The following BTBD8 variants were observed in gnomAD, a reference collection of about 807,000 sequenced individuals.
BTBD8 encodes BTB/POZ domain-containing protein 8.
BTBD8 carries 110 observed loss-of-function variants against 162.9 expected under a neutral mutation model. That is an observed-to-expected ratio of 0.68 (90% CI 0.58 to 0.79). The LOEUF (loss-of-function observed/expected upper bound fraction) is 0.79, where lower values mean the gene tolerates loss of function less well. Among genes scored for constraint, BTBD8 ranks in the 30% least tolerant of loss-of-function variants. BTBD8 has a pLI of 0.00. For missense variants in BTBD8, 1,905 were observed against 2,085.4 expected, an observed-to-expected ratio of 0.91 and a Z score of 1.68; for synonymous variants, 667 against 716.1, an observed-to-expected ratio of 0.93 and a Z score of 1.10.
chr1:92,157,783 A>G (rs1298544071), intron 9 of BTBD8, among the ~76,000 whole-genome samples: 1 of 152,136 alleles, frequency 6.6e-6, no homozygotes, highest in Non-Finnish European at 1.5e-5. Context: ...CTGGGATTAC[A>G]GGCACGAGCC....
intron 2 of BTBD8, among the ~76,000 whole-genome samples, chr1:92,099,102 T>G (rs887513275): frequency 6.6e-6 from 1 of 152,220 alleles, no homozygotes; most frequent in Non-Finnish European, 1.5e-5. Context: ...AACTTCATTC[T>G]TTTGCATTTG....
chr1:92,124,847 T>A lies in BTBD8; in HGVS notation c.663-4840T>A, dbSNP rs191255831. On this transcript the variant is annotated intron_variant, in intron 4 of 17. Transcript: ENST00000636805. ...TTTTTTCAAACCTAAGATATATCCT[T>A]TCTTGAACATAATTATGGTGAGTTT... Among the ~76,000 whole-genome samples, 163 of 152,330 alleles carry A rather than the reference T, an allele frequency of 1.1e-3. 1 individual carries two copies. The highest frequency in any genetic ancestry group is 3.4e-3 in the African/African-American group (141 of 41,588).
chr1:92,179,452 A>T (rs1650822323), intron 16 of BTBD8, among the ~76,000 whole-genome samples: 1 of 152,204 alleles, frequency 6.6e-6, no homozygotes, highest in Non-Finnish European at 1.5e-5. Flanking sequence ...GCATTAACAT[A>T]TGTAAAAGCA....
At chr1:92,175,102 G>A (rs1650669042) in intron 13 of BTBD8, among the ~76,000 whole-genome samples, 1 of 151,958 alleles carries the variant, frequency 6.6e-6, no homozygotes, top group South Asian at 2.1e-4. Flanking sequence ...TACAAAAGAT[G>A]AAGAGAGCAC....
In BTBD8 at chr1:92,153,985, G is replaced by A. The variant is rs369443738; in HGVS notation, c.1122+6199G>A. Among the ~76,000 whole-genome samples the A allele has an allele frequency of 5.9e-5, 9 of 152,250 alleles. No homozygotes were observed. In the East Asian group the frequency reaches 9.7e-4, roughly 16 times the overall value. On this transcript the variant is annotated intron_variant, in intron 9 of 17. Transcript: ENST00000636805. The stretch of plus-strand genomic sequence containing the variant: ...TCATGGGGGCAGATCCCTTATGAAT[G>A]GTTTGGTGCCATCCCCATGGTGATG...
At position 92,163,158 on chromosome 1, in the gene BTBD8, TC is replaced by T. The variant is rs1476054882; in HGVS notation, c.1123-3798del. Among the ~76,000 whole-genome samples the T allele has an allele frequency of 2.6e-5, 4 of 151,426 alleles. No individual in the cohort carries two copies. In the East Asian group the frequency reaches 5.8e-4, roughly 22 times the overall value. ...TCACGAGGTCAGGAGATCGAGACCA[TC>T]CTGGCTAACACGGTGAAACCCCGTC... is the stretch of plus-strand genomic sequence containing the variant. On this transcript the variant is annotated intron_variant, in intron 9 of 17. Transcript: ENST00000636805.
intron 2 of BTBD8, among the ~76,000 whole-genome samples, chr1:92,101,469 G>A (rs1648588819): frequency 6.6e-6 from 1 of 152,104 alleles, no homozygotes; most frequent in South Asian, 2.1e-4. Flanking sequence ...ATTCATGACA[G>A]CTCCCGCAGG....
At chr1:92,137,270 A>G (rs1649656869) in intron 5 of BTBD8, among the ~76,000 whole-genome samples, 1 of 152,184 alleles carries the variant, frequency 6.6e-6, no homozygotes, top group African/African-American at 2.4e-5. Context: ...AGGATACTAT[A>G]TCGTATATTC....
Position 92,177,183 on chromosome 1 carries a change from A to ACAG in BTBD8, c.2005_2007dup (p.Ala669dup), listed in dbSNP as rs759710231. ...TAGACAAGTTGTAGAAAGATCAGCA[A>ACAG]CAGCAGCAGCAGCAGCAACTGGACA... On this transcript the variant is annotated inframe_insertion, in exon 14 of 18. Coordinates refer to ENST00000636805, the MANE Select transcript of BTBD8 (RefSeq NM_001376131.1). 36 of 1,551,660 alleles carry ACAG rather than the reference A, an allele frequency of 2.3e-5. No homozygotes were observed. The highest frequency in any genetic ancestry group is 2.9e-5 in the Non-Finnish European group (33 of 1,146,946).
rs1650732336 is a variant in BTBD8, at chr1:92,176,970, A to G, written c.1777A>G (p.Thr593Ala). Residue 593 changes from threonine to alanine, a missense_variant, in exon 14 of 18, where the codon ACC (threonine) becomes GCC (alanine). Thr to Ala is a moderately conservative substitution (Grantham distance 58). This residue lies in a region of BTBD8 where 1,374 missense variants were observed against 1,442.7 expected (regional missense o/e 0.95). Transcript: ENST00000636805. ...AGGAGCATCTGGACATTCGTCAAGT[A>G]CCAATAGAAATAGTATAAATAAAAC... ...GLGASGHSSS[T>A]NRNSINKTLK... 1 of 1,547,480 alleles carries G rather than the reference A, an allele frequency of 6.5e-7. No individual in the cohort carries two copies.
chr1:92,173,779 A>T (rs1218821663), intron 13 of BTBD8, among the ~76,000 whole-genome samples: 1 of 152,212 alleles, frequency 6.6e-6, no homozygotes, highest in East Asian at 1.9e-4. Context: ...ACCTAGCAGG[A>T]TTATTGTGAA....
rs549563187 is a variant in BTBD8 at position 92,080,623 on chromosome 1, G to T, written c.52G>T (p.Ala18Ser). The change falls in exon 1 of 18, where the codon GCT becomes TCT. Residue 18 changes from alanine (A) to serine (S), a missense_variant. By Grantham distance (99) the Ala-to-Ser change is moderately conservative. This residue lies in a region of BTBD8 where 1,374 missense variants were observed against 1,442.7 expected (regional missense o/e 0.95). Coordinates refer to ENST00000636805, the MANE Select transcript of BTBD8 (RefSeq NM_001376131.1). ...SAAPMVLLGS[A>S]GVCSKGLQRK... ...GGCCCCCATGGTACTTCTGGGGTCCGCTGGAGTTTGCAGTAAGGGGTTGCA... is the reference window on the plus strand; with the variant it reads ...GGCCCCCATGGTACTTCTGGGGTCCTCTGGAGTTTGCAGTAAGGGGTTGCA... The T allele has an allele frequency of 1.9e-6, 3 of 1,613,926 alleles. No homozygotes were observed. The highest frequency in any genetic ancestry group is 2.2e-5 in the East Asian group (1 of 44,848).
chr1:92,131,865 C>T (rs1649525070), intron 5 of BTBD8, among the ~76,000 whole-genome samples: 1 of 152,124 alleles, frequency 6.6e-6, no homozygotes, highest in Non-Finnish European at 1.5e-5. Flanking sequence ...TGTACTCCCA[C>T]ACCTTGCTAG....
chr1:92,167,094 A>G lies in BTBD8; in HGVS notation c.1259A>G (p.Asn420Ser). Residue 420 changes from asparagine (N) to serine (S), a missense_variant, in exon 10 of 18, where the codon AAC becomes AGC. Asn to Ser is a conservative substitution (Grantham distance 46). Around this residue, in one of 3 missense-constraint regions of BTBD8, gnomAD observed 1,374 missense variants for 1,442.7 expected, o/e 0.95. Coordinates refer to ENST00000636805, the MANE Select transcript of BTBD8 (RefSeq NM_001376131.1). ...QEKCIAFIVD[N>S]FSKIIQSENF... ...AAATGTATTGCATTTATTGTAGACA[A>G]CTTCTCCAAGATTATTCAGAGTGAA... 2 of 1,550,588 alleles carry G rather than the reference A, an allele frequency of 1.3e-6. No individual in the cohort carries two copies. The highest frequency in any genetic ancestry group is 2.4e-5 in the South Asian group (2 of 84,058).
At chr1:92,149,543 G>A (rs1157561468) in intron 9 of BTBD8, among the ~76,000 whole-genome samples, 2 of 152,182 alleles carry the variant, frequency 1.3e-5, no homozygotes, top group African/African-American at 4.8e-5. Context: ...TTTGACTAGG[G>A]TCAACTACAC....
At chr1:92,114,916 C>A in intron 4 of BTBD8, 1 of 310,048 alleles carries the variant, frequency 3.2e-6, no homozygotes, top group Non-Finnish European at 6.3e-6. Context: ...AATGCCAGCC[C>A]CAGCACTGAA....
At chr1:92,084,810 T>C (rs1648112682) in intron 1 of BTBD8, among the ~76,000 whole-genome samples, 1 of 152,226 alleles carries the variant, frequency 6.6e-6, no homozygotes, top group African/African-American at 2.4e-5. Flanking sequence ...TCTTTCACTG[T>C]AGGGTACAGT....
chr1:92,099,275 A>ACAGT (rs1293704387), intron 2 of BTBD8, among the ~76,000 whole-genome samples: 1 of 152,196 alleles, frequency 6.6e-6, no homozygotes, highest in Non-Finnish European at 1.5e-5. Context: ...TCAGTACTAC[A>ACAGT]CAGTCTTGAT....
chr1:92,184,146 C>T lies in BTBD8; in HGVS notation c.5195C>T (p.Thr1732Ile). Residue 1732 changes from threonine to isoleucine, a missense_variant, in exon 18 of 18, where the codon ACA becomes ATA. Transcript: ENST00000636805. The stretch of plus-strand genomic sequence containing the variant: ...TTAGCACAGTATCTAATCAATCAGA[C>T]ACTACTTTTAGCACGAGATAGCTCA... The part of the protein sequence containing the change: ...LSLAQYLINQ[T>I]LLLARDSSKP... 1.3e-6 allele frequency: 2 copies of T among 1,551,634 alleles called. No homozygotes were observed. Among genetic ancestry groups the T allele is most frequent in the Non-Finnish European group, 1.7e-6 (2 of 1,146,852 alleles).
Sources: allele counts gnomAD v4.1 joint callset (sites outside exome capture counted in the v4.1 genomes callset), GRCh38; gene constraint gnomAD v4.1.1; regional missense constraint gnomAD v4.1.1; transcripts MANE v1.5; gene names NCBI Gene and HGNC (gene_info 2026-07-23, HGNC 2026-07-21).